The following FBN3 variants were observed in gnomAD, a reference collection of about 807,000 sequenced individuals.
FBN3 encodes fibrillin 3.
A neutral mutation model predicts 330.1 loss-of-function variants in FBN3; 234 were observed. The ratio of observed to expected loss-of-function variants is 0.71; its 90% CI spans 0.64 to 0.79. FBN3 has a LOEUF of 0.79. FBN3 is among the 30% of genes least tolerant of loss of function. FBN3 has a pLI of 0.00. For synonymous variants in FBN3, 1,458 were observed against 1,517.3 expected, an observed-to-expected ratio of 0.96 and a Z score of 0.91; for missense variants, 3,606 against 3,886.9, an observed-to-expected ratio of 0.93 and a Z score of 1.92.
At chr19:8,135,936 G>GGGGGGGGGGGC in intron 13 of FBN3, 25 bp downstream of exon 13, 7 of 668,760 alleles carry the variant, frequency 1.0e-5, no homozygotes, top group East Asian at 3.9e-5. Flanking sequence ...GGAAGCCCCT[G>GGGGGGGGGGGC]CCCACCCGCC....
At chr19:8,112,187 T>A in intron 30 of FBN3, 88 bp from the exon 31 acceptor site, 1 of 1,381,136 alleles carries the variant, frequency 7.2e-7, no homozygotes. Context: ...GGACTCTTCC[T>A]CTCTAGGGGA....
At chr19:8,142,465 G>A (rs1356285799) in intron 6 of FBN3, among the ~76,000 whole-genome samples, 1 of 152,082 alleles carries the variant, frequency 6.6e-6, no homozygotes, top group African/African-American at 2.4e-5. Flanking sequence ...GGCCTGGGCA[G>A]GGACCCACGG....
chr19:8,139,684 C>A (rs1051917271), intron 8 of FBN3, among the ~76,000 whole-genome samples: 1 of 151,954 alleles, frequency 6.6e-6, no homozygotes, highest in Non-Finnish European at 1.5e-5. Context: ...CAGACAGGCT[C>A]CCCAGGTATG....
At chr19:8,097,456 G>A in intron 41 of FBN3, 42 bp from the exon 42 acceptor site, 1 of 1,561,568 alleles carries the variant, frequency 6.4e-7, no homozygotes, top group South Asian at 1.2e-5. Flanking sequence ...CAGCCCCCTG[G>A]GACTTCCAGC....
In FBN3 at chr19:8,081,218, A is replaced by C; in HGVS notation, c.7337-99T>G. On this transcript the variant is annotated intron_variant, in intron 58 of 63. Transcript: ENST00000600128. ...TGCCACCTCCAGGCAGAGGGGTGACAAGAGAAAGACCTCGGAGATGGTGCT... is the reference window on the plus strand; with the variant it reads ...TGCCACCTCCAGGCAGAGGGGTGACCAGAGAAAGACCTCGGAGATGGTGCT... 2.0e-6 allele frequency: 3 copies of C among 1,493,874 alleles called. No individual in the cohort carries two copies. In the South Asian group the frequency reaches 3.5e-5, roughly 18 times the overall value. 92.5% of individuals were successfully genotyped at this position (1,493,874 alleles called of 1,614,324 possible). A position where few individuals can be genotyped will look rare whatever the true frequency, so the allele number is the denominator to read the frequency against.
chr19:8,109,866 G>T lies in FBN3; in HGVS notation c.4334-113C>A. 8.3e-7 allele frequency: 1 copy of T among 1,211,598 alleles called. No individual in the cohort carries two copies. 75.1% of individuals were successfully genotyped at this position (1,211,598 alleles called of 1,614,324 possible). The stretch of plus-strand genomic sequence containing the variant: ...GCTCAAGGTCAACTCCTGGGCACCA[G>T]ATTGTGGGACAATGTCATGTCCTTC... On this transcript the variant is annotated intron_variant, in intron 34 of 63. Coordinates refer to ENST00000600128, the MANE Select transcript of FBN3 (RefSeq NM_032447.5). The surrounding 1 kb of genome is among the most constrained non-coding windows in gnomAD (Gnocchi z 5.2).
chr19:8,145,769 G>T, intron 5 of FBN3, 74 bp downstream of exon 5: 1 of 1,154,418 alleles, frequency 8.7e-7, no homozygotes, highest in South Asian at 1.4e-5. Flanking sequence ...CAGTGGGCAG[G>T]TGGCAGCAGA....
chr19:8,117,316 G>C (rs922163399), intron 27 of FBN3, 25 bp from the exon 28 acceptor site: 12 of 1,590,256 alleles, frequency 7.5e-6, no homozygotes, highest in Non-Finnish European at 8.6e-6. Context: ...GCAGACAGGG[G>C]CTGGGGCTGG....
chr19:8,093,422 G>C (rs1053260972), intron 47 of FBN3, among the ~76,000 whole-genome samples: 9 of 152,102 alleles, frequency 5.9e-5, no homozygotes, highest in Non-Finnish European at 1.2e-4. Flanking sequence ...AGGAGATCGA[G>C]AGCATCCTGG....
In FBN3 at chr19:8,131,252, A is replaced by C; in HGVS notation, c.2027T>G (p.Ile676Ser). Residue 676 changes from isoleucine (I) to serine (S), a missense_variant, in exon 16 of 64, where the codon ATT (isoleucine) becomes AGT (serine). Transcript: ENST00000600128. This position sits in a 1 kb window ranked among gnomAD's most constrained non-coding sequence, Gnocchi z 4.5. ...CCACTTACCTCGACCATCCGTGGTA[A>C]TGCCAAGCCCACTGCTGCACAGTGC... ...FQALCSSGLG[I>S]TTDGRDINEC... 6.2e-7 allele frequency: 1 copy of C among 1,611,268 alleles called. No individual in the cohort carries two copies. The highest frequency in any genetic ancestry group is 1.7e-5 in the Admixed American group (1 of 59,606).
chr19:8,087,254 C>T lies in FBN3; in HGVS notation c.6620-43G>A, dbSNP rs764141754. 3.9e-6 allele frequency: 6 copies of T among 1,520,190 alleles called. No individual in the cohort carries two copies. In the Admixed American group the frequency reaches 1.1e-4, roughly 27 times the overall value. 94.2% of individuals were successfully genotyped at this position (1,520,190 alleles called of 1,614,324 possible). A position where few individuals can be genotyped will look rare whatever the true frequency, so the allele number is the denominator to read the frequency against. Reference sequence around the variant, plus strand: ...CAGATGGTCAGTCAAGGCCAGGCACCCTATGGCTGTGGGGACCTGGATTCC... The same window carrying T: ...CAGATGGTCAGTCAAGGCCAGGCACTCTATGGCTGTGGGGACCTGGATTCC... On this transcript the variant is annotated intron_variant, in intron 53 of 63. Transcript: ENST00000600128.
Position 8,141,883 on chromosome 19 carries a change from G to A in FBN3, c.740-41C>T, listed in dbSNP as rs373120725. The stretch of plus-strand genomic sequence containing the variant: ...CCGGCAGGGGAGTGAGAGGCCCATC[G>A]GAGGGAAGAACCAAGGCAGCTAAGG... On this transcript the variant is annotated intron_variant, in intron 7 of 63. Coordinates refer to ENST00000600128, the MANE Select transcript of FBN3 (RefSeq NM_032447.5). 35 of 1,612,382 alleles carry A rather than the reference G, an allele frequency of 2.2e-5. No individual in the cohort carries two copies. The African/African-American group carries it at 2.4e-4, about 11-fold the overall frequency.
chr19:8,111,240 G>C, intron 32 of FBN3, 57 bp from the exon 33 acceptor site: 1 of 1,526,358 alleles, frequency 6.6e-7, no homozygotes, highest in Non-Finnish European at 8.8e-7. Flanking sequence ...CCCACACAGG[G>C]TGGGCAGGAG....
chr19:8,146,038 T>G (rs1056997203), intron 4 of FBN3, 89 bp downstream of exon 4: 10 of 1,495,584 alleles, frequency 6.7e-6, no homozygotes, highest in Non-Finnish European at 9.1e-6. Flanking sequence ...CCCGCTCCTG[T>G]CCTTCAACAA....
intron 24 of FBN3, 21 bp downstream of exon 24, chr19:8,123,443 A>G: frequency 3.1e-6 from 5 of 1,611,738 alleles, no homozygotes; most frequent in Non-Finnish European, 4.2e-6. Context: ...GCTCTCTCCA[A>G]GAGGCAGAGG....
intron 42 of FBN3, 53 bp downstream of exon 42, chr19:8,097,236 G>A: frequency 1.3e-6 from 2 of 1,576,308 alleles, no homozygotes; most frequent in Non-Finnish European, 8.7e-7. Context: ...TTGCACAGTG[G>A]CGGACATGCA....
At chr19:8,073,006 T>TGTGC in intron 62 of FBN3, 57 bp downstream of exon 62, 1 of 963,918 alleles carries the variant, frequency 1.0e-6, no homozygotes, top group African/African-American at 1.7e-5. Flanking sequence ...TGTGTGTGCG[T>TGTGC]GCGTGCATGG....
Position 8,089,862 on chromosome 19 carries a change from A to G in FBN3, c.6250+32T>C, listed in dbSNP as rs45572437. 2,888 of 1,572,900 alleles carry G rather than the reference A, an allele frequency of 1.8e-3. 3 individuals carry two copies. The highest frequency in any genetic ancestry group is 2.3e-3 in the Non-Finnish European group (2,629 of 1,159,868). ...CGGAGATGGATCTGGGTGGCCCAGAAGGGGCTCTTAGCATGTGGGTGAGGG... is the reference window on the plus strand; with the variant it reads ...CGGAGATGGATCTGGGTGGCCCAGAGGGGGCTCTTAGCATGTGGGTGAGGG... On this transcript the variant is annotated intron_variant, in intron 50 of 63. Transcript: ENST00000600128.
intron 13 of FBN3, among the ~76,000 whole-genome samples, chr19:8,135,209 C>T (rs1000105578): frequency 6.6e-6 from 1 of 151,504 alleles, no homozygotes; most frequent in Non-Finnish European, 1.5e-5. Context: ...GAACTCCTGG[C>T]CTCAAGCGAT....
Sources: allele counts gnomAD v4.1 joint callset (sites outside exome capture counted in the v4.1 genomes callset), GRCh38; gene constraint gnomAD v4.1.1; non-coding constraint Gnocchi (gnomAD v3.1); transcripts MANE v1.5; gene names NCBI Gene and HGNC (gene_info 2026-07-23, HGNC 2026-07-21).